RUBCNL: variants seen among roughly 807,000 people sequenced by gnomAD.
The protein encoded by RUBCNL is protein associated with UVRAG as autophagy enhancer.
In RUBCNL, 62 loss-of-function variants were observed where a neutral mutation model predicts 69.5. The observed-to-expected ratio is 0.89, with a 90% confidence interval of 0.73 to 1.10. The LOEUF (loss-of-function observed/expected upper bound fraction) is 1.10, where lower values mean the gene tolerates loss of function less well. RUBCNL is among the 50% of genes least tolerant of loss of function. The probability of loss-of-function intolerance (pLI) is 0.00; values close to 1 mark genes in which losing one functional copy is unlikely to be tolerated. For missense variants in RUBCNL, 768 were observed against 798.1 expected, an observed-to-expected ratio of 0.96 and a Z score of 0.45; for synonymous variants, 291 against 303.6, an observed-to-expected ratio of 0.96 and a Z score of 0.43.
chr13:46,358,519 A>C (rs1445173975), intron 9 of RUBCNL, among the ~76,000 whole-genome samples: 1 of 152,202 alleles, frequency 6.6e-6, no homozygotes, highest in African/African-American at 2.4e-5. Flanking sequence ...GTTACTTCTT[A>C]GAGAACAAAC....
chr13:46,368,645 T>C, intron 4 of RUBCNL, 88 bp downstream of exon 4: 1 of 1,344,586 alleles, frequency 7.4e-7, no homozygotes. Flanking sequence ...TAATGATTCA[T>C]CAAATTGAAG....
intron 9 of RUBCNL, among the ~76,000 whole-genome samples, chr13:46,357,582 CA>C (rs2048517624): frequency 1.3e-5 from 2 of 150,794 alleles, no homozygotes; most frequent in Admixed American, 1.3e-4. Flanking sequence ...ACAAAGAAAT[CA>C]AATCATTTCT....
intron 2 of RUBCNL, 32 bp from the exon 3 acceptor site, chr13:46,372,629 T>C: frequency 7.0e-7 from 1 of 1,426,380 alleles, no homozygotes. Context: ...TCAAAATAAG[T>C]AAGAATTCAA....
intron 8 of RUBCNL, among the ~76,000 whole-genome samples, chr13:46,360,687 G>C (rs893741734): frequency 6.6e-6 from 1 of 152,170 alleles, no homozygotes; most frequent in South Asian, 2.1e-4. Flanking sequence ...TGCACTTCGA[G>C]GGCATTTTCC....
chr13:46,344,881 T>C (rs2048211261), intron 13 of RUBCNL, 50 bp from the exon 14 acceptor site: 2 of 1,229,094 alleles, frequency 1.6e-6, no homozygotes, highest in Admixed American at 1.9e-5. Context: ...ATGGATAAGC[T>C]GAGTTTTCAC....
At chr13:46,366,598 T>C (rs533695056) in intron 5 of RUBCNL, among the ~76,000 whole-genome samples, 1 of 152,326 alleles carries the variant, frequency 6.6e-6, no homozygotes, top group South Asian at 2.1e-4. Flanking sequence ...TTTGATCATA[T>C]ACCTATTCTG....
chr13:46,350,499 G>A (rs2048348473), intron 10 of RUBCNL, 148 bp from the exon 11 acceptor site: 2 of 613,918 alleles, frequency 3.3e-6, no homozygotes, highest in East Asian at 5.6e-5. Context: ...TGACAGCTGG[G>A]AAGGCTCCAG....
chr13:46,344,605 C>T, intron 14 of RUBCNL, 136 bp downstream of exon 14: 1 of 650,406 alleles, frequency 1.5e-6, no homozygotes, highest in Non-Finnish European at 2.7e-6. Context: ...CACACACCAG[C>T]ATGACTGTAC....
intron 9 of RUBCNL, among the ~76,000 whole-genome samples, chr13:46,358,585 G>A (rs150763885): frequency 1.5e-4 from 23 of 151,884 alleles, no homozygotes; most frequent in African/African-American, 5.1e-4. Flanking sequence ...ATCGAGTCTC[G>A]CTCTGTCACC....
Position 46,345,471 on chromosome 13 carries a change from G to A in RUBCNL, c.1761C>T (p.Ser587=), listed in dbSNP as rs369156323. The change falls in exon 13 of 15, where the codon TCC becomes TCT. Residue 587 remains serine (S), a synonymous_variant. Coordinates refer to ENST00000429979, the MANE Select transcript of RUBCNL (RefSeq NM_025113.5). ...CCTCACAGCCAGCCACATGTGCAAG[G>A]GAAGCTTTCAGAATGTCCTTGAGTA... The part of the protein sequence containing the change: ...APLLKDILKA[S]LAHVAGCELC... The A allele has an allele frequency of 6.4e-7, 1 of 1,572,786 alleles. No individual in the cohort carries two copies. The highest frequency in any genetic ancestry group is 1.4e-5 in the African/African-American group (1 of 73,836).
At chr13:46,347,791 A>C (rs2048279744) in intron 12 of RUBCNL, among the ~76,000 whole-genome samples, 1 of 152,208 alleles carries the variant, frequency 6.6e-6, no homozygotes, top group East Asian at 1.9e-4. Flanking sequence ...GGAGATCGAG[A>C]CCATCCTGGC....
chr13:46,387,283 G>A (rs2049272457), upstream of RUBCNL: 1 of 985,422 alleles, frequency 1.0e-6, no homozygotes, highest in African/African-American at 1.7e-5. Flanking sequence ...AGGGGACAGC[G>A]ACGCCCCGAC....
intron 13 of RUBCNL, among the ~76,000 whole-genome samples, chr13:46,345,157 TG>T (rs1278594748): frequency 6.6e-6 from 1 of 152,208 alleles, no homozygotes; most frequent in Non-Finnish European, 1.5e-5. Flanking sequence ...CCTGTTCCAT[TG>T]AATCCTGGTT....
chr13:46,350,486 T>C, intron 10 of RUBCNL, 135 bp from the exon 11 acceptor site: 1 of 646,794 alleles, frequency 1.5e-6, no homozygotes, highest in South Asian at 2.0e-5. Context: ...ATACTCAACC[T>C]CATGACAGCT....
At chr13:46,343,603 G>T in intron 14 of RUBCNL, 106 bp from the exon 15 acceptor site, 2 of 1,165,964 alleles carry the variant, frequency 1.7e-6, no homozygotes, top group Non-Finnish European at 2.4e-6. Context: ...TGAATCCAGA[G>T]CCCAGAGTCT....
At chr13:46,387,968 T>G, upstream of RUBCNL, 1 of 491,678 alleles carries the variant, frequency 2.0e-6, no homozygotes. Context: ...AGCACCTACT[T>G]TGGGAGGCCA....
chr13:46,385,142 G>T, intron 1 of RUBCNL: 1 of 281,864 alleles, frequency 3.5e-6, no homozygotes, highest in Non-Finnish European at 5.4e-6. Context: ...CAGAATTGTA[G>T]CACGTGTATC....
chr13:46,386,624 T>C (rs960040589), intron 1 of RUBCNL, among the ~76,000 whole-genome samples: 1 of 152,078 alleles, frequency 6.6e-6, no homozygotes, highest in African/African-American at 2.4e-5. Flanking sequence ...GGGGTTGCTA[T>C]GTAGGGCGCC....
chr13:46,378,085 T>C, intron 1 of RUBCNL, 80 bp from the exon 2 acceptor site: 1 of 711,058 alleles, frequency 1.4e-6, no homozygotes, highest in Non-Finnish European at 2.2e-6. Flanking sequence ...GTTTGTAGTG[T>C]GTTAGTTATT....
Sources: gnomAD v4.1 joint callset for allele counts (sites outside exome capture counted in the v4.1 genomes callset) on GRCh38, gnomAD v4.1.1 for gene constraint, MANE v1.5 for transcripts, NCBI Gene and HGNC (gene_info 2026-07-23, HGNC 2026-07-21) for gene names.